SIDT1: variants seen among roughly 807,000 people sequenced by gnomAD.
SIDT1 encodes the protein SID1 transmembrane family, member 1.
Under a neutral mutation model 107.5 loss-of-function variants are expected in SIDT1, and 101 were observed. The ratio of observed to expected loss-of-function variants is 0.94; its 90% CI spans 0.80 to 1.11. SIDT1 has a LOEUF of 1.11. Ranked by LOEUF, SIDT1 falls within the 50% of genes least tolerant of loss-of-function variation. The pLI is 0.00. For missense variants in SIDT1, 1,076 were observed against 1,058.2 expected (o/e 1.02, Z -0.23); for synonymous variants, 395 against 398.2 (o/e 0.99, Z 0.10).
intron 20 of SIDT1, among the ~76,000 whole-genome samples, chr3:113,618,538 C>T (rs972343671): frequency 1.3e-5 from 2 of 152,206 alleles, no homozygotes; most frequent in African/African-American, 4.8e-5. Context: ...TGCATTCCCA[C>T]CAGCAATGAG....
At chr3:113,603,483 G>A (rs1377724399) in intron 12 of SIDT1, among the ~76,000 whole-genome samples, 1 of 152,110 alleles carries the variant, frequency 6.6e-6, no homozygotes, top group East Asian at 1.9e-4. Context: ...AAAGCTCCCC[G>A]GTTCTGTGCA....
rs761950049 is a variant in SIDT1, at chr3:113,585,273, AG to A, written c.1001+5del. Reference sequence around the variant, plus strand: ...GTTGGGTTTGTTCATTATCTGAGGTAGGTCAATCTTTTCTAGAAATGTTAAT... The same window carrying A: ...GTTGGGTTTGTTCATTATCTGAGGTAGTCAATCTTTTCTAGAAATGTTAAT... On this transcript the variant is annotated splice_donor_region_variant and intron_variant, in intron 9 of 24. Coordinates refer to ENST00000264852, the MANE Select transcript of SIDT1 (RefSeq NM_017699.3). 3.9e-5 allele frequency: 63 copies of A among 1,599,832 alleles called. No individual in the cohort carries two copies. In the South Asian group the frequency reaches 5.5e-4, roughly 14 times the overall value.
chr3:113,555,835 A>G (rs1940793947), intron 1 of SIDT1, among the ~76,000 whole-genome samples: 1 of 145,608 alleles, frequency 6.9e-6, no homozygotes, highest in Admixed American at 7.3e-5. Context: ...CCTACATAAG[A>G]CGGACTATAT....
intron 9 of SIDT1, among the ~76,000 whole-genome samples, chr3:113,591,548 A>T (rs977677036): frequency 6.6e-6 from 1 of 152,210 alleles, no homozygotes; most frequent in Non-Finnish European, 1.5e-5. Context: ...ACAAAGTTGC[A>T]GTCATCAAGA....
chr3:113,612,460 G>T (rs1653262310), intron 19 of SIDT1: 5 of 540,578 alleles, frequency 9.2e-6, no homozygotes, highest in South Asian at 7.7e-5. Flanking sequence ...CCAACCCCTG[G>T]TTGCAAACAC....
chr3:113,541,393 C>T (rs1338315414), intron 1 of SIDT1, among the ~76,000 whole-genome samples: 1 of 152,188 alleles, frequency 6.6e-6, no homozygotes, highest in African/African-American at 2.4e-5. Flanking sequence ...TGGTCTTGAA[C>T]TCCTGAGCAC....
intron 1 of SIDT1, among the ~76,000 whole-genome samples, chr3:113,537,187 A>ATATC (rs1414903291): frequency 6.6e-6 from 1 of 152,224 alleles, no homozygotes; most frequent in Non-Finnish European, 1.5e-5. Flanking sequence ...TTAATTTGAA[A>ATATC]TATCTCCCTG....
intron 1 of SIDT1, among the ~76,000 whole-genome samples, chr3:113,537,673 T>C (rs141860199): frequency 1.5e-3 from 223 of 152,370 alleles, no homozygotes; most frequent in African/African-American, 5.1e-3. Context: ...CATTGGCTAA[T>C]CTCATGTCTG....
At chr3:113,604,461 A>C (rs1453786192) in intron 13 of SIDT1, among the ~76,000 whole-genome samples, 1 of 152,234 alleles carries the variant, frequency 6.6e-6, no homozygotes, top group Non-Finnish European at 1.5e-5. Context: ...CTGATGTTTA[A>C]TCTAACAGCA....
At chr3:113,600,922 G>A (rs1944915547) in intron 10 of SIDT1, among the ~76,000 whole-genome samples, 1 of 152,152 alleles carries the variant, frequency 6.6e-6, no homozygotes, top group Non-Finnish European at 1.5e-5. Context: ...CATTCTGAGG[G>A]CCAAAGTCTG....
intron 1 of SIDT1, among the ~76,000 whole-genome samples, chr3:113,565,559 C>T (rs1447277425): frequency 1.3e-5 from 2 of 152,104 alleles, no homozygotes; most frequent in Admixed American, 6.5e-5. Context: ...AGGAAGAAAA[C>T]ACCAACACTA....
At chr3:113,607,963 A>G (rs1945457101) in intron 15 of SIDT1, 131 bp from the exon 16 acceptor site, 1 of 1,076,542 alleles carries the variant, frequency 9.3e-7, no homozygotes, top group South Asian at 2.5e-5. Context: ...TACTTTTCTG[A>G]TCTTGAAACC....
At chr3:113,559,342 C>T (rs1286092644) in intron 1 of SIDT1, among the ~76,000 whole-genome samples, 1 of 152,202 alleles carries the variant, frequency 6.6e-6, no homozygotes, top group East Asian at 1.9e-4. Flanking sequence ...ATGTTGCAAA[C>T]ATGGTATTGT....
intron 6 of SIDT1, 109 bp downstream of exon 6, chr3:113,581,553 C>T: frequency 2.3e-6 from 2 of 857,428 alleles, no homozygotes; most frequent in Admixed American, 3.9e-5. Context: ...TGCCTAGGAT[C>T]TCCTTCCTTT....
In SIDT1 at chr3:113,578,061, G is replaced by A. The variant is rs186949336; in HGVS notation, c.561+1094G>A. ...GCATGTATACTGCCACCCAGTGGCA[G>A]GAGAGGGCCAAAGGCCCTTAATATA... On this transcript the variant is annotated intron_variant, in intron 4 of 24. Coordinates refer to ENST00000264852, the MANE Select transcript of SIDT1 (RefSeq NM_017699.3). 4.6e-3 allele frequency among the ~76,000 whole-genome samples: 695 copies of A among 152,348 alleles called. 4 individuals are homozygous for A. Among genetic ancestry groups the A allele is most frequent in the Non-Finnish European group, 8.2e-3 (558 of 68,036 alleles).
intron 4 of SIDT1, 127 bp downstream of exon 4, chr3:113,577,094 A>C (rs945694600): frequency 3.5e-6 from 3 of 855,066 alleles, no homozygotes; most frequent in Non-Finnish European, 5.9e-6. Flanking sequence ...AACTTGAAGT[A>C]TATTTGTATT....
At chr3:113,550,782 G>A (rs1940140441) in intron 1 of SIDT1, among the ~76,000 whole-genome samples, 1 of 151,670 alleles carries the variant, frequency 6.6e-6, no homozygotes, top group South Asian at 2.1e-4. Flanking sequence ...TAAGTTCAGG[G>A]GTATATGTGC....
At chr3:113,563,637 A>G (rs1022924544) in intron 1 of SIDT1, among the ~76,000 whole-genome samples, 2 of 152,216 alleles carry the variant, frequency 1.3e-5, no homozygotes, top group African/African-American at 4.8e-5. Context: ...TCTTTAACAA[A>G]CAAGTGTTCC....
At chr3:113,626,256 T>A (rs1373243771) in intron 24 of SIDT1, 41 bp downstream of exon 24, 1 of 1,291,216 alleles carries the variant, frequency 7.7e-7, no homozygotes, top group Admixed American at 1.7e-5. Context: ...CTTCTCTCTT[T>A]ACATCTTGTA....
Sources: allele counts gnomAD v4.1 joint callset (sites outside exome capture counted in the v4.1 genomes callset), GRCh38; gene constraint gnomAD v4.1.1; transcripts MANE v1.5; gene names NCBI Gene and HGNC (gene_info 2026-07-23, HGNC 2026-07-21).